ATP6V1A: variants seen among roughly 807,000 people sequenced by gnomAD.
ATP6V1A encodes ATPase H+ transporting V1 subunit A.
Under a neutral mutation model 70.1 loss-of-function variants are expected in ATP6V1A, and 18 were observed. The ratio of observed to expected loss-of-function variants is 0.26; its 90% CI spans 0.18 to 0.38. The LOEUF (loss-of-function observed/expected upper bound fraction) is 0.38. Among genes scored for constraint, ATP6V1A ranks in the 10% least tolerant of loss-of-function variants. ATP6V1A has a pLI of 1.00. For missense variants in ATP6V1A, 424 were observed against 772.4 expected (o/e 0.55, Z 5.35); for synonymous variants, 232 against 253.8 (o/e 0.91, Z 0.82).
chr3:113,789,735 A>T lies in ATP6V1A; in HGVS notation c.883A>T (p.Thr295Ser). 1 of 1,602,372 alleles carries T rather than the reference A, an allele frequency of 6.2e-7. No homozygotes were observed. The highest frequency in any genetic ancestry group is 8.6e-7 in the Non-Finnish European group (1 of 1,169,536). Residue 295 changes from threonine (T) to serine (S), a missense_variant, in exon 8 of 15, where the codon ACA becomes TCA. Physicochemically the swap from Thr to Ser is moderately conservative, Grantham distance 58 (BLOSUM62 1). This residue lies in a region of ATP6V1A where 18 missense variants were observed against 16.2 expected (regional missense o/e 1.11). Coordinates refer to ENST00000273398, the MANE Select transcript of ATP6V1A (RefSeq NM_001690.4). ...CTAATATATATTTTACCTCTAGCTC[A>T]CAATGGAGGTTGATGGTAAGGTAGA... Reference protein sequence around the residue: ...SEVLRDFPELTMEVDGKVESI... With the variant: ...SEVLRDFPELSMEVDGKVESI...
At chr3:113,797,535 C>T (rs890892801) in intron 11 of ATP6V1A, among the ~76,000 whole-genome samples, 4 of 152,168 alleles carry the variant, frequency 2.6e-5, no homozygotes, top group East Asian at 1.9e-4. Context: ...GGATTACAGG[C>T]GTGAGCCACC....
At chr3:113,805,217 A>T in intron 13 of ATP6V1A, 137 bp from the exon 14 acceptor site, 1 of 847,192 alleles carries the variant, frequency 1.2e-6, no homozygotes. Flanking sequence ...TTATTTTTTT[A>T]TTCCTTAGGT....
intron 3 of ATP6V1A, among the ~76,000 whole-genome samples, chr3:113,781,384 G>A (rs893854973): frequency 1.6e-4 from 24 of 152,186 alleles, no homozygotes; most frequent in African/African-American, 5.8e-4. Flanking sequence ...GGGTATAGTG[G>A]CAGGCGCCTG....
At chr3:113,785,348 G>A (rs749976081) in intron 5 of ATP6V1A, among the ~76,000 whole-genome samples, 10 of 152,064 alleles carry the variant, frequency 6.6e-5, no homozygotes, top group Non-Finnish European at 1.5e-4. Flanking sequence ...GCTGAGGCAG[G>A]AGAATCGCCT....
chr3:113,786,437 T>A (rs1709041108), intron 6 of ATP6V1A, 54 bp downstream of exon 6: 1 of 1,563,888 alleles, frequency 6.4e-7, no homozygotes. Flanking sequence ...TATGTGCTTA[T>A]GTTTTTATTA....
At chr3:113,782,619 TTTTG>T (rs1307902389) in intron 3 of ATP6V1A, among the ~76,000 whole-genome samples, 12 of 147,230 alleles carry the variant, frequency 8.2e-5, no homozygotes, top group East Asian at 2.0e-4. Context: ...TATATGGTTT[TTTTG>T]TTTGTTTGTT....
chr3:113,779,940 G>A (rs760870511), intron 2 of ATP6V1A, among the ~76,000 whole-genome samples: 3 of 152,080 alleles, frequency 2.0e-5, no homozygotes, highest in African/African-American at 4.8e-5. Flanking sequence ...GTGCCATGGT[G>A]GCTTGCTGCA....
intron 1 of ATP6V1A, among the ~76,000 whole-genome samples, chr3:113,762,709 G>A (rs1469351055): frequency 1.3e-5 from 2 of 152,212 alleles, no homozygotes; most frequent in Non-Finnish European, 1.5e-5. Flanking sequence ...TTGGCACTAC[G>A]AACTTGGAAT....
At chr3:113,759,649 G>T (rs1708680035) in intron 1 of ATP6V1A, among the ~76,000 whole-genome samples, 1 of 151,782 alleles carries the variant, frequency 6.6e-6, no homozygotes, top group Admixed American at 6.6e-5. Context: ...GATCTTAGAA[G>T]GTCATTCTGT....
At chr3:113,786,168 T>C in intron 5 of ATP6V1A, 64 bp from the exon 6 acceptor site, 1 of 1,469,838 alleles carries the variant, frequency 6.8e-7, no homozygotes, top group Non-Finnish European at 9.3e-7. Context: ...TCGGGTTACT[T>C]TGATTTTGAA....
intron 1 of ATP6V1A, among the ~76,000 whole-genome samples, chr3:113,757,082 A>C (rs1708653894): frequency 6.6e-6 from 1 of 152,236 alleles, no homozygotes; most frequent in South Asian, 2.1e-4. Flanking sequence ...CTATGAATCT[A>C]AGAAGCAGAT....
intron 12 of ATP6V1A, chr3:113,802,822 C>T (rs1468954282): frequency 6.6e-6 from 1 of 152,340 alleles, no homozygotes; most frequent in Non-Finnish European, 1.5e-5. Context: ...GCCACCACGC[C>T]TGGGTAATTT....
intron 3 of ATP6V1A, among the ~76,000 whole-genome samples, chr3:113,782,542 C>CTCTCTCTATA (rs749059556): frequency 2.1e-5 from 3 of 141,166 alleles, no homozygotes; most frequent in African/African-American, 7.9e-5. Context: ...CTCTCTCTCT[C>CTCTCTCTATA]TATATATATA....
rs1358891464 is a variant in ATP6V1A, at chr3:113,805,262, TAAAG to T, written c.1590-88_1590-85del. 7.2e-6 allele frequency: 9 copies of T among 1,256,766 alleles called. No homozygotes were observed. In the Admixed American group the frequency reaches 1.5e-4, roughly 21 times the overall value. 77.9% of individuals were successfully genotyped at this position (1,256,766 alleles called of 1,614,324 possible). A position where few individuals can be genotyped will look rare whatever the true frequency, so the allele number is the denominator to read the frequency against. ...TAAATAAGCAATCTGCATACTTAGA[TAAAG>T]AAACTAATGCTCTAGTAGTTTTATA... On this transcript the variant is annotated intron_variant, in intron 13 of 14. Transcript: ENST00000273398.
intron 1 of ATP6V1A, among the ~76,000 whole-genome samples, chr3:113,776,364 T>A (rs1708912381): frequency 6.6e-6 from 1 of 152,052 alleles, no homozygotes; most frequent in Admixed American, 6.6e-5. Flanking sequence ...CGAGAACTTG[T>A]CTCAAAAAAA....
At chr3:113,808,325 CTCTGTCACTAGGCTG>C (rs1479758743) in intron 14 of ATP6V1A, among the ~76,000 whole-genome samples, 26 of 119,718 alleles carry the variant, frequency 2.2e-4, no homozygotes, top group African/African-American at 8.1e-4. Context: ...CAGAGTGTCA[CTCTGTCACTAGGCTG>C]GAGTGCAGTG....
chr3:113,780,975 G>C (rs1708970752), intron 2 of ATP6V1A, 75 bp from the exon 3 acceptor site: 1 of 1,509,056 alleles, frequency 6.6e-7, no homozygotes. Context: ...GGTTTATTGG[G>C]TGTTTTAATT....
chr3:113,775,169 C>A (rs1309927246), intron 1 of ATP6V1A, among the ~76,000 whole-genome samples: 1 of 151,492 alleles, frequency 6.6e-6, no homozygotes, highest in Non-Finnish European at 1.5e-5. Context: ...AAATTCAGGA[C>A]CTATATTCAA....
intron 13 of ATP6V1A, 65 bp from the exon 14 acceptor site, chr3:113,805,289 A>C: frequency 6.8e-7 from 1 of 1,471,034 alleles, no homozygotes; most frequent in Non-Finnish European, 9.4e-7. Context: ...TAGTAGTTTT[A>C]TATAAAGTAT....
Sources: allele counts gnomAD v4.1 joint callset (sites outside exome capture counted in the v4.1 genomes callset), GRCh38; gene constraint gnomAD v4.1.1; regional missense constraint gnomAD v4.1.1; transcripts MANE v1.5; gene names NCBI Gene and HGNC (gene_info 2026-07-23, HGNC 2026-07-21).